SORCS1: variants seen among roughly 807,000 people sequenced by gnomAD.
SORCS1 encodes sortilin related VPS10 domain containing receptor 1.
Under a neutral mutation model 146.1 loss-of-function variants are expected in SORCS1, and 60 were observed. The observed-to-expected ratio is 0.41, with a 90% CI of 0.33 to 0.51. The LOEUF is 0.51. Among genes scored for constraint, SORCS1 ranks in the 20% least tolerant of loss-of-function variants. The pLI, the probability that SORCS1 is intolerant of heterozygous loss-of-function variation, is 0.21. For missense variants in SORCS1, 1,352 were observed against 1,487.6 expected (o/e 0.91, Z 1.50); for synonymous variants, 637 against 584.0 (o/e 1.09, Z -1.31).
intron 2 of SORCS1, among the ~76,000 whole-genome samples, chr10:106,936,175 G>A (rs1250152948): frequency 6.6e-6 from 1 of 152,140 alleles, no homozygotes; most frequent in Non-Finnish European, 1.5e-5. Flanking sequence ...CAAGCCATCA[G>A]TTGTGCTTAG....
At chr10:107,096,162 A>G (rs1964532837) in intron 1 of SORCS1, among the ~76,000 whole-genome samples, 1 of 152,222 alleles carries the variant, frequency 6.6e-6, no homozygotes, top group South Asian at 2.1e-4. Context: ...AGTCACCTTA[A>G]ATGCAGATAA....
chr10:107,078,891 A>G (rs1348380519), intron 1 of SORCS1, among the ~76,000 whole-genome samples: 1 of 152,202 alleles, frequency 6.6e-6, no homozygotes, highest in Non-Finnish European at 1.5e-5. Flanking sequence ...ATTTTTCACA[A>G]ATTACACAAA....
At chr10:106,655,567 T>A (rs1331847087) in intron 17 of SORCS1, among the ~76,000 whole-genome samples, 1 of 152,212 alleles carries the variant, frequency 6.6e-6, no homozygotes, top group Non-Finnish European at 1.5e-5. Context: ...ATCATTACCT[T>A]AGGCTTTCCT....
rs116803523 is a variant in SORCS1, at chr10:106,781,856, T to C, written c.727-5164A>G. On this transcript the variant is annotated intron_variant, in intron 3 of 25. Coordinates refer to ENST00000263054, the MANE Select transcript of SORCS1 (RefSeq NM_052918.5). ...CCCAGAATGAACCATGGAAAGAAAA[T>C]CACAGAAATACAAACAGTGAAGGAA... 5.6e-3 allele frequency among the ~76,000 whole-genome samples: 844 copies of C among 150,842 alleles called. 8 individuals carry two copies. The highest frequency in any genetic ancestry group is 0.019 in the African/African-American group (797 of 40,966).
Position 106,620,522 on chromosome 10 carries a change from G to A in SORCS1, c.2702C>T (p.Thr901Ile). 1 of 1,614,072 alleles carries A rather than the reference G, an allele frequency of 6.2e-7. No homozygotes were observed. The highest frequency in any genetic ancestry group is 1.6e-4 in the Middle Eastern group (1 of 6,062). ...CGCATTGACCTCTTTGTTCTTTGTG[G>A]TGACAAAGGGAAGAGACAGGTGCAC... ...EHVHLSLPFV[T>I]TKNKEVNATA... The change falls in exon 20 of 26, where the codon ACC becomes ATC. Residue 901 changes from threonine to isoleucine, a missense_variant. This residue lies in a region of SORCS1 where 648 missense variants were observed against 793.8 expected (regional missense o/e 0.82). Transcript: ENST00000263054.
intron 1 of SORCS1, among the ~76,000 whole-genome samples, chr10:106,963,949 G>C (rs1449263423): frequency 6.6e-6 from 1 of 152,160 alleles, no homozygotes; most frequent in Non-Finnish European, 1.5e-5. Flanking sequence ...CAGGAGGGAA[G>C]TGTTTCTATC....
chr10:106,739,651 C>CA (rs1186142269), intron 5 of SORCS1, among the ~76,000 whole-genome samples: 15 of 149,276 alleles, frequency 1.0e-4, no homozygotes, highest in African/African-American at 2.5e-4. Flanking sequence ...ACTAAAAATA[C>CA]AAAAAAAATA....
chr10:106,613,460 G>C (rs994338572), intron 21 of SORCS1, among the ~76,000 whole-genome samples: 2 of 152,146 alleles, frequency 1.3e-5, no homozygotes, highest in Non-Finnish European at 2.9e-5. Context: ...AGTCCCCTGC[G>C]TTCCAGGAAT....
At chr10:107,146,650 G>A (rs1261486376) in intron 1 of SORCS1, among the ~76,000 whole-genome samples, 4 of 152,080 alleles carry the variant, frequency 2.6e-5, no homozygotes, top group Non-Finnish European at 5.9e-5. Flanking sequence ...ATGTCATAGC[G>A]TCCTAAACGC....
At chr10:106,613,822 T>C (rs1332516855) in intron 21 of SORCS1, among the ~76,000 whole-genome samples, 2 of 152,076 alleles carry the variant, frequency 1.3e-5, no homozygotes, top group East Asian at 3.9e-4. Flanking sequence ...TCCTGCCCTC[T>C]CTGTGCTCCA....
chr10:106,623,128 TC>T (rs1173037926), intron 19 of SORCS1, among the ~76,000 whole-genome samples: 2 of 152,150 alleles, frequency 1.3e-5, no homozygotes, highest in African/African-American at 4.8e-5. Flanking sequence ...GTGACATTCT[TC>T]CTGAGTCCCT....
At chr10:106,811,534 G>A (rs187806348) in intron 3 of SORCS1, among the ~76,000 whole-genome samples, 1 of 152,260 alleles carries the variant, frequency 6.6e-6, no homozygotes, top group Admixed American at 6.5e-5. Context: ...CAGATCTGCA[G>A]TTTAACAAGC....
intron 24 of SORCS1, among the ~76,000 whole-genome samples, chr10:106,592,230 C>T (rs1195258175): frequency 1.3e-5 from 2 of 152,266 alleles, no homozygotes; most frequent in African/African-American, 4.8e-5. Flanking sequence ...TGCATGAAAA[C>T]CAAGAACCAC....
intron 3 of SORCS1, among the ~76,000 whole-genome samples, chr10:106,796,680 C>T (rs79885094): frequency 0.031 from 4,699 of 152,170 alleles, 109 homozygotes; most frequent in East Asian, 0.11. Context: ...AGAAAGAGAG[C>T]GAGCAGAGTT....
the SORCS1 span, among the ~76,000 whole-genome samples, chr10:107,178,194 G>T: frequency 6.6e-6 from 1 of 152,106 alleles, no homozygotes; most frequent in Non-Finnish European, 1.5e-5. Flanking sequence ...GCAGTATATT[G>T]TTGTTAACTG....
chr10:106,863,916 A>G (rs956072236), intron 2 of SORCS1, among the ~76,000 whole-genome samples: 4 of 152,058 alleles, frequency 2.6e-5, no homozygotes, highest in African/African-American at 9.7e-5. Context: ...TGAGATGAAC[A>G]CTGTGTAGAC....
At chr10:107,109,754 C>T (rs1033878497) in intron 1 of SORCS1, among the ~76,000 whole-genome samples, 1 of 152,228 alleles carries the variant, frequency 6.6e-6, no homozygotes, top group African/African-American at 2.4e-5. Flanking sequence ...CTTTCTGTGT[C>T]ACGTGGCTAG....
chr10:106,953,360 CAAATA>C (rs1331658438), intron 2 of SORCS1, among the ~76,000 whole-genome samples: 2 of 152,074 alleles, frequency 1.3e-5, no homozygotes, highest in African/African-American at 4.8e-5. Flanking sequence ...CTTGTAACAC[CAAATA>C]AAATATAAAT....
intron 2 of SORCS1, among the ~76,000 whole-genome samples, chr10:106,888,897 A>G (rs1252104784): frequency 6.6e-6 from 1 of 152,200 alleles, no homozygotes; most frequent in African/African-American, 2.4e-5. Context: ...ACAGATGTGA[A>G]AGCATCTGTA....
Sources: gnomAD v4.1 joint callset for allele counts (sites outside exome capture counted in the v4.1 genomes callset) on GRCh38, gnomAD v4.1.1 for gene constraint, gnomAD v4.1.1 regional missense constraint, MANE v1.5 for transcripts, NCBI Gene and HGNC (gene_info 2026-07-23, HGNC 2026-07-21) for gene names.